The following PBLD variants were observed in gnomAD, a reference collection of about 807,000 sequenced individuals.
PBLD encodes the protein phenazine biosynthesis-like domain-containing protein.
PBLD carries 26 observed loss-of-function variants against 31.3 expected under a neutral mutation model. The ratio of observed to expected loss-of-function variants is 0.83; its 90% CI spans 0.61 to 1.15. The LOEUF is 1.15. Among genes scored for constraint, PBLD ranks in the 50% most tolerant of loss-of-function variants. PBLD has a pLI of 0.00. For missense variants in PBLD, 307 were observed against 351.7 expected (o/e 0.87, Z 1.02); for synonymous variants, 114 against 129.0 (o/e 0.88, Z 0.79).
At chr10:68,292,613 GA>G (rs1292739146) in intron 4 of PBLD, among the ~76,000 whole-genome samples, 1 of 151,624 alleles carries the variant, frequency 6.6e-6, no homozygotes, top group African/African-American at 2.4e-5. Flanking sequence ...ACATTCAAGT[GA>G]TTCTCCCACC....
In PBLD at chr10:68,283,878, C is replaced by A; in HGVS notation, c.*299G>T. 3.8e-6 allele frequency: 1 copy of A among 261,684 alleles called. No homozygotes were observed. The highest frequency in any genetic ancestry group is 4.5e-5 in the South Asian group (1 of 22,174). 16.2% of individuals were successfully genotyped at this position (261,684 alleles called of 1,614,324 possible). On this transcript the variant is annotated 3_prime_UTR_variant, in exon 10 of 10. Transcript: ENST00000358769. ...CTCCATGCCTCAGCCTCCCAAGTAG[C>A]TGGAATTACAGGCATGTGGCACCAC... is the stretch of plus-strand genomic sequence containing the variant.
Position 68,292,277 on chromosome 10 carries a change from T to A in PBLD, c.284-39A>T, listed in dbSNP as rs189375816. On this transcript the variant is annotated intron_variant, in intron 4 of 9. Transcript: ENST00000358769. ...GAATCAAGAAATAGGAAATAAACTTTGTCATATATGCGCATGTCCATTTCA... is the reference window on the plus strand; with the variant it reads ...GAATCAAGAAATAGGAAATAAACTTAGTCATATATGCGCATGTCCATTTCA... 1.5e-4 allele frequency: 230 copies of A among 1,517,160 alleles called. 1 individual carries two copies. In the East Asian group the frequency reaches 5.0e-3, roughly 33 times the overall value. The allele number at this position is 1,517,160 out of a possible 1,614,324, so 94.0% of individuals were successfully genotyped here.
chr10:68,296,798 G>A, intron 3 of PBLD, 88 bp downstream of exon 3: 1 of 1,153,572 alleles, frequency 8.7e-7, no homozygotes, highest in Non-Finnish European at 1.3e-6. Flanking sequence ...GAACGCAGGA[G>A]GCGGAGGTTG....
chr10:68,284,075 A>G lies in PBLD; in HGVS notation c.*102T>C. ...TTTTCGATTTTTAACATGAGGATTAAGTAGACTACTACGCACATTTGCTAA... is the reference window on the plus strand; with the variant it reads ...TTTTCGATTTTTAACATGAGGATTAGGTAGACTACTACGCACATTTGCTAA... On this transcript the variant is annotated 3_prime_UTR_variant, in exon 10 of 10. Coordinates refer to ENST00000358769, the MANE Select transcript of PBLD (RefSeq NM_022129.4). The G allele has an allele frequency of 1.8e-6, 2 of 1,115,026 alleles. No homozygotes were observed. Among genetic ancestry groups the G allele is most frequent in the Non-Finnish European group, 1.3e-6 (1 of 763,534 alleles). The allele number at this position is 1,115,026 out of a possible 1,614,324, so 69.1% of individuals were successfully genotyped here. A position where few individuals can be genotyped will look rare whatever the true frequency, so the allele number is the denominator to read the frequency against.
chr10:68,290,887 T>C (rs948633967), intron 6 of PBLD, among the ~76,000 whole-genome samples: 1 of 152,212 alleles, frequency 6.6e-6, no homozygotes, highest in Non-Finnish European at 1.5e-5. Context: ...ATAAGTTTTT[T>C]CCACTTTCTT....
chr10:68,331,171 TAAAA>T (rs200139064), intron 1 of PBLD: 1 of 151,064 alleles, frequency 6.6e-6, no homozygotes, highest in East Asian at 1.9e-4. Flanking sequence ...TTTTGGAACT[TAAAA>T]AAAAAGCCAT....
rs1589651939 is a variant in PBLD, at chr10:68,294,910, T to C, written c.283+1356A>G. Reference sequence around the variant, plus strand: ...GCTCAGCTAATTTTTGTATTTTTAGTAGAGACGGGGTTTTGCCCATCCCCC... The same window carrying C: ...GCTCAGCTAATTTTTGTATTTTTAGCAGAGACGGGGTTTTGCCCATCCCCC... On this transcript the variant is annotated intron_variant, in intron 4 of 9. Coordinates refer to ENST00000358769, the MANE Select transcript of PBLD (RefSeq NM_022129.4). Among the ~76,000 whole-genome samples the C allele has an allele frequency of 2.6e-5, 4 of 152,294 alleles. No individual in the cohort carries two copies. The South Asian group carries it at 8.3e-4, about 32-fold the overall frequency.
chr10:68,319,258 C>A (rs1010765263), intron 1 of PBLD, among the ~76,000 whole-genome samples: 5 of 150,292 alleles, frequency 3.3e-5, no homozygotes, highest in African/African-American at 9.8e-5. Flanking sequence ...GTAAAAGGAA[C>A]AACAAAGACA....
intron 1 of PBLD, among the ~76,000 whole-genome samples, chr10:68,325,325 T>A (rs2098292699): frequency 2.7e-5 from 4 of 150,874 alleles, no homozygotes; most frequent in Admixed American, 2.6e-4. Flanking sequence ...GCACTTTGTG[T>A]GGCCAAGAGA....
chr10:68,317,913 T>C (rs1362242407), intron 1 of PBLD, among the ~76,000 whole-genome samples: 3 of 152,104 alleles, frequency 2.0e-5, no homozygotes, highest in Admixed American at 6.6e-5. Flanking sequence ...TATAATGTTA[T>C]GTGATTTTTA....
chr10:68,323,719 T>C (rs1867570), intron 1 of PBLD, among the ~76,000 whole-genome samples: 9,211 of 152,236 alleles, frequency 0.061, 406 homozygotes, highest in East Asian at 0.19. Flanking sequence ...AGAGTATACT[T>C]CCTTTTATGT....
intron 1 of PBLD, among the ~76,000 whole-genome samples, chr10:68,326,009 T>A (rs1174004836): frequency 6.6e-6 from 1 of 151,288 alleles, no homozygotes; most frequent in Non-Finnish European, 1.5e-5. Context: ...TCACTTTATG[T>A]ACGTGCATTT....
At chr10:68,296,455 T>G in intron 3 of PBLD, 91 bp from the exon 4 acceptor site, 4 of 943,106 alleles carry the variant, frequency 4.2e-6, no homozygotes, top group Non-Finnish European at 6.5e-6. Flanking sequence ...TATAGTTCTC[T>G]AGCATGATGA....
At chr10:68,291,901 G>T in intron 6 of PBLD, 109 bp downstream of exon 6, 1 of 1,234,682 alleles carries the variant, frequency 8.1e-7, no homozygotes, top group Non-Finnish European at 1.2e-6. Context: ...CTGAAACACT[G>T]TAACATTTAT....
At chr10:68,294,758 C>T (rs888058561) in intron 4 of PBLD, among the ~76,000 whole-genome samples, 4 of 152,130 alleles carry the variant, frequency 2.6e-5, no homozygotes, top group African/African-American at 7.2e-5. Flanking sequence ...GGTGGAGTCT[C>T]GCTCTGTCGC....
intron 1 of PBLD, among the ~76,000 whole-genome samples, chr10:68,320,250 A>G (rs2044813982): frequency 6.6e-6 from 1 of 152,266 alleles, no homozygotes; most frequent in African/African-American, 2.4e-5. Flanking sequence ...AATTGACTTT[A>G]AGACAAAAGT....
At chr10:68,312,730 C>T (rs1471887587) in intron 1 of PBLD, among the ~76,000 whole-genome samples, 4 of 148,056 alleles carry the variant, frequency 2.7e-5, no homozygotes, top group Non-Finnish European at 5.9e-5. Flanking sequence ...CTGCCTCAGC[C>T]TCCGGAGTAG....
At chr10:68,321,277 C>T (rs752807180) in intron 1 of PBLD, among the ~76,000 whole-genome samples, 49 of 152,128 alleles carry the variant, frequency 3.2e-4, no homozygotes, top group Non-Finnish European at 5.9e-4. Context: ...GATTTCAATG[C>T]CTACTTTCAA....
intron 1 of PBLD, among the ~76,000 whole-genome samples, chr10:68,317,836 T>C (rs981473937): frequency 1.4e-4 from 21 of 151,944 alleles, no homozygotes; most frequent in Admixed American, 1.1e-3. Context: ...TGTAGAGATT[T>C]GTTGCACAAT....
Sources: allele counts gnomAD v4.1 joint callset (sites outside exome capture counted in the v4.1 genomes callset), GRCh38; gene constraint gnomAD v4.1.1; transcripts MANE v1.5; gene names NCBI Gene and HGNC (gene_info 2026-07-23, HGNC 2026-07-21).